The following CACNA1A variants were observed in gnomAD, a reference collection of about 807,000 sequenced individuals.
CACNA1A encodes voltage-dependent P/Q-type calcium channel subunit alpha-1A.
CACNA1A carries 57 observed loss-of-function variants against 262.4 expected under a neutral mutation model. The ratio of observed to expected loss-of-function variants is 0.22; its 90% CI spans 0.18 to 0.27. The LOEUF (loss-of-function observed/expected upper bound fraction) is 0.27, where lower values mean the gene tolerates loss of function less well. Among genes scored for constraint, CACNA1A ranks in the 10% least tolerant of loss-of-function variants. CACNA1A has a pLI of 1.00. For missense variants in CACNA1A, 2,526 were observed against 3,562.8 expected (o/e 0.71, Z 7.41); for synonymous variants, 1,431 against 1,419.3 (o/e 1.01, Z -0.18).
intron 5 of CACNA1A, chr19:13,363,305 A>G (rs1248305726): frequency 9.6e-6 from 1 of 104,592 alleles, no homozygotes; most frequent in Admixed American, 1.2e-4. Context: ...GCCCTGCCCC[A>G]TATTCATTCT....
At chr19:13,381,721 T>G (rs1394614146) in intron 3 of CACNA1A, among the ~76,000 whole-genome samples, 3 of 152,202 alleles carry the variant, frequency 2.0e-5, no homozygotes, top group Non-Finnish European at 2.9e-5. Context: ...TCCGTGTTCT[T>G]CAAATGCACC....
intron 3 of CACNA1A, among the ~76,000 whole-genome samples, chr19:13,376,898 T>C (rs1308291672): frequency 2.1e-5 from 3 of 145,212 alleles, no homozygotes; most frequent in Non-Finnish European, 4.5e-5. Flanking sequence ...ATGTTATATG[T>C]GATATATAAT....
At chr19:13,235,834 A>C (rs952663139) in intron 31 of CACNA1A, 104 bp from the exon 32 acceptor site, 3 of 706,842 alleles carry the variant, frequency 4.2e-6, no homozygotes, top group African/African-American at 3.5e-5. Context: ...ACAGGAAAAA[A>C]GCAAGCCAGA....
chr19:13,441,667 G>GA (rs758379687), intron 3 of CACNA1A, among the ~76,000 whole-genome samples: 13,590 of 113,798 alleles, frequency 0.12, 1,036 homozygotes, highest in East Asian at 0.28. Flanking sequence ...CTGTCTCGAG[G>GA]AAAAAAAAAA....
chr19:13,285,164 T>C lies in CACNA1A; in HGVS notation c.3596A>G (p.Glu1199Gly), dbSNP rs369018679. The part of the protein sequence containing the change: ...ANPDPLPKKE[E>G]EKKEEEEDDR... The stretch of plus-strand genomic sequence containing the variant: ...GTCTTCCTCCTCCTCCTTCTTCTCT[T>C]CCTCTTTTTTTGGCAGTGGGTCTGG... Residue 1199 changes from glutamate to glycine, a missense_variant, in exon 21 of 47, where the codon GAA (glutamate) becomes GGA (glycine). Physicochemically the swap from Glu to Gly is moderately conservative, Grantham distance 98. Around this residue, in one of 17 missense-constraint regions of CACNA1A, gnomAD observed 765 missense variants for 748.6 expected, o/e 1.02. Transcript: ENST00000360228. 6.2e-7 allele frequency: 1 copy of C among 1,613,786 alleles called. No individual in the cohort carries two copies. Among genetic ancestry groups the C allele is most frequent in the African/African-American group, 1.3e-5 (1 of 74,872 alleles).
At chr19:13,472,496 G>C (rs1272008269) in intron 1 of CACNA1A, among the ~76,000 whole-genome samples, 1 of 151,976 alleles carries the variant, frequency 6.6e-6, no homozygotes, top group Non-Finnish European at 1.5e-5. Flanking sequence ...CAACTTCTTG[G>C]GTGTCTTCCC....
chr19:13,382,332 C>A (rs1391122803), intron 3 of CACNA1A, among the ~76,000 whole-genome samples: 1 of 152,132 alleles, frequency 6.6e-6, no homozygotes. Flanking sequence ...TTTCCCATTG[C>A]CTTAACTTGT....
In CACNA1A at chr19:13,214,170, C is replaced by T; in HGVS notation, c.5940+63G>A. 7.4e-7 allele frequency: 1 copy of T among 1,354,842 alleles called. No individual in the cohort carries two copies. The highest frequency in any genetic ancestry group is 1.0e-6 in the Non-Finnish European group (1 of 975,274). The allele number at this position is 1,354,842 out of a possible 1,614,324, so 83.9% of individuals were successfully genotyped here. A position where few individuals can be genotyped will look rare whatever the true frequency, so the allele number is the denominator to read the frequency against. Reference sequence around the variant, plus strand: ...AGCCACCCTCATATTCCAGTTGGTTCCCGTGGTGACATGCAAGCCACTGTC... The same window carrying T: ...AGCCACCCTCATATTCCAGTTGGTTTCCGTGGTGACATGCAAGCCACTGTC... On this transcript the variant is annotated intron_variant, in intron 40 of 46. Transcript: ENST00000360228. The surrounding 1 kb of genome is among the most constrained non-coding windows in gnomAD (Gnocchi z 4.1).
intron 30 of CACNA1A, among the ~76,000 whole-genome samples, chr19:13,251,613 A>G (rs1030756512): frequency 2.0e-5 from 3 of 152,224 alleles, no homozygotes; most frequent in Non-Finnish European, 4.4e-5. Flanking sequence ...CTTATAATGC[A>G]GTATGAAAAT....
intron 15 of CACNA1A, among the ~76,000 whole-genome samples, chr19:13,305,718 G>A (rs2057885525): frequency 6.6e-6 from 1 of 152,150 alleles, no homozygotes; most frequent in Admixed American, 6.5e-5. Flanking sequence ...CTTGTCCTTG[G>A]GTGAGAACCT....
At chr19:13,334,518 G>T (rs1227372047) in intron 7 of CACNA1A, 25 bp from the exon 8 acceptor site, 8 of 1,258,006 alleles carry the variant, frequency 6.4e-6, no homozygotes, top group Admixed American at 1.7e-5. Context: ...AAAAGCCAGA[G>T]TATGGCTGTT....
At chr19:13,358,378 C>T (rs1426114899) in intron 6 of CACNA1A, among the ~76,000 whole-genome samples, 1 of 152,192 alleles carries the variant, frequency 6.6e-6, no homozygotes, top group East Asian at 1.9e-4. Flanking sequence ...CCTGCCTGGG[C>T]AACACGGAAG....
intron 3 of CACNA1A, among the ~76,000 whole-genome samples, chr19:13,389,344 T>C (rs2059673042): frequency 1.3e-5 from 2 of 152,024 alleles, no homozygotes; most frequent in African/African-American, 4.8e-5. Flanking sequence ...GGCCTTCAGC[T>C]CCCCTTATAT....
chr19:13,344,150 GTTGCAGTGAGTCAAGA>G (rs2058721450), intron 6 of CACNA1A, among the ~76,000 whole-genome samples: 1 of 149,108 alleles, frequency 6.7e-6, no homozygotes, highest in Admixed American at 6.8e-5. Flanking sequence ...GGAGGCAGAG[GTTGCAGTGAGTCAAGA>G]TCATGCTGCT....
Position 13,207,559 on chromosome 19 carries a change from G to GC in CACNA1A, c.7274dup (p.Gly2426ArgfsTer77). On this transcript the variant is annotated frameshift_variant, in exon 47 of 47. Coordinates refer to ENST00000360228, the MANE Select transcript of CACNA1A (RefSeq NM_001127222.2). LOFTEE classifies it high-confidence loss of function. The surrounding 1 kb of genome is among the most constrained non-coding windows in gnomAD (Gnocchi z 5.7). Reference sequence around the variant, plus strand: ...AGGCCCCGGCCATGGCCTCCTCGCCGCCCCCGCTGCCCGGGCCATCGGCCT... The same window carrying GC: ...AGGCCCCGGCCATGGCCTCCTCGCCGCCCCCCGCTGCCCGGGCCATCGGCCT... 6.8e-7 allele frequency: 1 copy of GC among 1,464,448 alleles called. No homozygotes were observed. Among genetic ancestry groups the GC allele is most frequent in the Non-Finnish European group, 9.0e-7 (1 of 1,107,924 alleles). 90.7% of individuals were successfully genotyped at this position (1,464,448 alleles called of 1,614,324 possible).
rs775829854 is a variant in CACNA1A, at chr19:13,207,599, C to T, written c.7235G>A (p.Gly2412Asp). The T allele has an allele frequency of 6.1e-6, 9 of 1,482,320 alleles. No homozygotes were observed. Among genetic ancestry groups the T allele is most frequent in the African/African-American group, 1.5e-5 (1 of 67,900 alleles). The allele number at this position is 1,482,320 out of a possible 1,614,324, so 91.8% of individuals were successfully genotyped here. A position where few individuals can be genotyped will look rare whatever the true frequency, so the allele number is the denominator to read the frequency against. ...GCCATCGGCCTCGTCGTAGTCGGAG[C>T]CCCGGTAGTAGCCATGGTGCCGGGG... is the stretch of plus-strand genomic sequence containing the variant. ...PGPRHHGYYR[G>D]SDYDEADGPG... Residue 2412 changes from glycine (G) to aspartate (D), a missense_variant, in exon 47 of 47, where the codon GGC becomes GAC. By Grantham distance (94) the Gly-to-Asp change is moderately conservative. This residue lies in a region of CACNA1A where 929 missense variants were observed against 868.1 expected (regional missense o/e 1.07). Transcript: ENST00000360228. This position sits in a 1 kb window ranked among gnomAD's most constrained non-coding sequence, Gnocchi z 5.7.
intron 1 of CACNA1A, among the ~76,000 whole-genome samples, chr19:13,469,296 C>G (rs1175059886): frequency 6.6e-6 from 1 of 152,118 alleles, no homozygotes; most frequent in East Asian, 1.9e-4. Context: ...TGTGGAGAGA[C>G]CATTGTCCAT....
chr19:13,216,871 G>C (rs920173735), intron 38 of CACNA1A, among the ~76,000 whole-genome samples: 4 of 152,120 alleles, frequency 2.6e-5, no homozygotes, highest in Admixed American at 1.3e-4. Context: ...TATGCTAATT[G>C]GTTCAGGCAG....
chr19:13,502,625 G>A, intron 1 of CACNA1A, among the ~76,000 whole-genome samples: 1 of 152,110 alleles, frequency 6.6e-6, no homozygotes, highest in Non-Finnish European at 1.5e-5. Context: ...CTTGCTGCCT[G>A]GCATGAGAAA....
Sources: gnomAD v4.1 joint callset for allele counts (sites outside exome capture counted in the v4.1 genomes callset) on GRCh38, gnomAD v4.1.1 for gene constraint, gnomAD v4.1.1 regional missense constraint, Gnocchi (gnomAD v3.1) non-coding constraint, MANE v1.5 for transcripts, NCBI Gene and HGNC (gene_info 2026-07-23, HGNC 2026-07-21) for gene names.